The following NCAM2 variants were observed in gnomAD, a reference collection of about 807,000 sequenced individuals.
NCAM2 encodes neural cell adhesion molecule 2, also known as N-CAM-2.
A neutral mutation model predicts 98.1 loss-of-function variants in NCAM2; 30 were observed. The ratio of observed to expected loss-of-function variants is 0.31; its 90% CI spans 0.23 to 0.41. The LOEUF (loss-of-function observed/expected upper bound fraction) is 0.41, where lower values mean the gene tolerates loss of function less well. Among genes scored for constraint, NCAM2 ranks in the 10% least tolerant of loss-of-function variants. The pLI is 1.00. For synonymous variants in NCAM2, 368 were observed against 342.4 expected, an observed-to-expected ratio of 1.07 and a Z score of -0.83; for missense variants, 867 against 1,005.8, an observed-to-expected ratio of 0.86 and a Z score of 1.87.
Position 21,286,290 on chromosome 21 carries a change from T to C in NCAM2, c.359T>C (p.Val120Ala). ...EIYQKLTFRE[V>A]VSPQEFKQGE... ...ACAGAAAAACTCACTTTCAGAGAAGTGGTATCTCCACAAGAATTCAAACAA... is the reference window on the plus strand; with the variant it reads ...ACAGAAAAACTCACTTTCAGAGAAGCGGTATCTCCACAAGAATTCAAACAA... Residue 120 changes from valine (V) to alanine (A), a missense_variant, in exon 4 of 18, where the codon GTG becomes GCG. Coordinates refer to ENST00000400546, the MANE Select transcript of NCAM2 (RefSeq NM_004540.5). 2 of 1,608,392 alleles carry C rather than the reference T, an allele frequency of 1.2e-6. No individual in the cohort carries two copies. Among genetic ancestry groups the C allele is most frequent in the South Asian group, 1.1e-5 (1 of 90,534 alleles).
At chr21:21,253,007 C>A (rs933948192) in intron 1 of NCAM2, among the ~76,000 whole-genome samples, 1 of 152,110 alleles carries the variant, frequency 6.6e-6, no homozygotes, top group Non-Finnish European at 1.5e-5. Context: ...TTTTCTCATT[C>A]CATGTGTTTT....
At chr21:21,250,098 G>A (rs1191866245) in intron 1 of NCAM2, among the ~76,000 whole-genome samples, 1 of 152,180 alleles carries the variant, frequency 6.6e-6, no homozygotes, top group Non-Finnish European at 1.5e-5. Flanking sequence ...CTCCCAGGTA[G>A]TATTTAGCTT....
intron 16 of NCAM2, among the ~76,000 whole-genome samples, chr21:21,512,744 T>C (rs1243763822): frequency 6.6e-6 from 1 of 152,068 alleles, no homozygotes; most frequent in Non-Finnish European, 1.5e-5. Context: ...TTAATTTTTG[T>C]GTCATCTTGA....
At chr21:21,209,292 C>T (rs573428400) in intron 1 of NCAM2, among the ~76,000 whole-genome samples, 6 of 152,272 alleles carry the variant, frequency 3.9e-5, no homozygotes, top group Admixed American at 3.3e-4. Context: ...CACAGCTCAC[C>T]ACAGCCTCGA....
intron 12 of NCAM2, among the ~76,000 whole-genome samples, chr21:21,449,258 T>C (rs1228727617): frequency 1.3e-5 from 2 of 151,980 alleles, no homozygotes; most frequent in African/African-American, 4.8e-5. Context: ...TATTAATTTA[T>C]GTAAGAAAAA....
chr21:21,154,139 G>A (rs905920028), intron 1 of NCAM2, among the ~76,000 whole-genome samples: 1 of 151,792 alleles, frequency 6.6e-6, no homozygotes, highest in African/African-American at 2.4e-5. Flanking sequence ...GATATATGGG[G>A]ATAGAATAAC....
At chr21:21,211,006 A>G (rs2069640410) in intron 1 of NCAM2, among the ~76,000 whole-genome samples, 1 of 147,132 alleles carries the variant, frequency 6.8e-6, no homozygotes, top group Non-Finnish European at 1.5e-5. Flanking sequence ...ACACACACAC[A>G]CACACACACA....
At chr21:21,053,146 T>C (rs1036839368) in intron 1 of NCAM2, among the ~76,000 whole-genome samples, 2 of 149,728 alleles carry the variant, frequency 1.3e-5, no homozygotes, top group Non-Finnish European at 3.0e-5. Flanking sequence ...TTAAGTATTA[T>C]GGTAATAGGC....
chr21:21,152,814 A>T (rs890340820), intron 1 of NCAM2, among the ~76,000 whole-genome samples: 2 of 151,918 alleles, frequency 1.3e-5, no homozygotes, highest in African/African-American at 4.8e-5. Flanking sequence ...GTATTCAACT[A>T]CAGACTCAAT....
chr21:21,314,560 T>A (rs1462956041), intron 5 of NCAM2, among the ~76,000 whole-genome samples: 2 of 152,136 alleles, frequency 1.3e-5, no homozygotes, highest in African/African-American at 4.8e-5. Flanking sequence ...CGTATATACC[T>A]ACATTATTTT....
At chr21:21,210,327 A>G (rs1421318050) in intron 1 of NCAM2, among the ~76,000 whole-genome samples, 2 of 152,210 alleles carry the variant, frequency 1.3e-5, no homozygotes, top group African/African-American at 2.4e-5. Flanking sequence ...ATTCTAAACT[A>G]CCTGATCATT....
chr21:21,011,628 A>C (rs1356888839), intron 1 of NCAM2, among the ~76,000 whole-genome samples: 1 of 152,094 alleles, frequency 6.6e-6, no homozygotes, highest in African/African-American at 2.4e-5. Context: ...TATACAATAC[A>C]TTTTTAACTA....
intron 8 of NCAM2, among the ~76,000 whole-genome samples, chr21:21,349,951 G>C (rs73322767): frequency 6.6e-6 from 1 of 152,082 alleles, no homozygotes; most frequent in African/African-American, 2.4e-5. Flanking sequence ...GCGTGGTAAG[G>C]ATGGTTAATT....
At chr21:21,485,730 A>C (rs1221526776) in intron 15 of NCAM2, among the ~76,000 whole-genome samples, 1 of 152,192 alleles carries the variant, frequency 6.6e-6, no homozygotes, top group East Asian at 1.9e-4. Flanking sequence ...ACATATATGC[A>C]TAAAAGTGAC....
In NCAM2 at chr21:21,466,652, C is replaced by G. The variant is rs1059062; in HGVS notation, c.1701C>G (p.Ile567Met). The change falls in exon 13 of 18, where the codon ATC becomes ATG. Residue 567 changes from isoleucine (I) to methionine (M), a missense_variant. This residue lies in a region of NCAM2 where 234 missense variants were observed against 333.8 expected (regional missense o/e 0.70). Transcript: ENST00000400546. ...NNLEPNTTYE[I>M]RVAAVNGKGQ... Reference sequence around the variant, plus strand: ...TGGAACCAAATACAACTTATGAAATCAGGGTTGCAGCTGTAAATGGAAAGG... The same window carrying G: ...TGGAACCAAATACAACTTATGAAATGAGGGTTGCAGCTGTAAATGGAAAGG... 6.2e-7 allele frequency: 1 copy of G among 1,608,266 alleles called. No homozygotes were observed. Among genetic ancestry groups the G allele is most frequent in the Admixed American group, 1.7e-5 (1 of 59,330 alleles).
At chr21:21,246,710 A>G (rs2071284444) in intron 1 of NCAM2, among the ~76,000 whole-genome samples, 1 of 152,196 alleles carries the variant, frequency 6.6e-6, no homozygotes, top group Admixed American at 6.5e-5. Context: ...AAATCCATGA[A>G]AAGTTATCTG....
At chr21:21,054,582 A>G (rs184194516) in intron 1 of NCAM2, among the ~76,000 whole-genome samples, 2 of 152,168 alleles carry the variant, frequency 1.3e-5, no homozygotes, top group African/African-American at 2.4e-5. Flanking sequence ...ACACAGGCAT[A>G]TGAAATCAAT....
chr21:21,212,238 A>G (rs2069684851), intron 1 of NCAM2, among the ~76,000 whole-genome samples: 1 of 152,246 alleles, frequency 6.6e-6, no homozygotes, highest in African/African-American at 2.4e-5. Flanking sequence ...GTAATAAACT[A>G]AACTTGGAAC....
intron 5 of NCAM2, among the ~76,000 whole-genome samples, chr21:21,307,894 G>A (rs1432567577): frequency 2.0e-5 from 3 of 151,960 alleles, no homozygotes. Flanking sequence ...GATTGGTCTC[G>A]CCTAGATAAT....
Sources: gnomAD v4.1 joint callset for allele counts (sites outside exome capture counted in the v4.1 genomes callset) on GRCh38, gnomAD v4.1.1 for gene constraint, gnomAD v4.1.1 regional missense constraint, MANE v1.5 for transcripts, NCBI Gene and HGNC (gene_info 2026-07-23, HGNC 2026-07-21) for gene names.